Variants in FBXL5 observed in about 807,000 individuals in gnomAD.
FBXL5 encodes F-box and leucine rich repeat protein 5.
A neutral mutation model predicts 78.3 loss-of-function variants in FBXL5; 26 were observed. The ratio of observed to expected loss-of-function variants is 0.33; its 90% confidence interval spans 0.24 to 0.46. The LOEUF is 0.46. Ranked by LOEUF, FBXL5 falls within the 20% of genes least tolerant of loss-of-function variation. The pLI, the probability that FBXL5 is intolerant of heterozygous loss-of-function variation, is 1.00. For synonymous variants in FBXL5, 295 were observed against 282.5 expected (o/e 1.04, Z -0.45); for missense variants, 710 against 829.2 (o/e 0.86, Z 1.77).
upstream of FBXL5, among the ~76,000 whole-genome samples, chr4:15,660,737 G>T (rs1333102525): frequency 6.6e-6 from 1 of 152,128 alleles, no homozygotes; most frequent in Admixed American, 6.5e-5. Context: ...ACTCTCCCAG[G>T]CTGACTTGTT....
In FBXL5 at chr4:15,625,511, T is replaced by C. The variant is rs748419353; in HGVS notation, c.1591A>G (p.Ser531Gly). Residue 531 changes from serine to glycine, a missense_variant, in exon 9 of 11, where the codon AGT becomes GGT. Ser to Gly is a moderately conservative substitution (Grantham distance 56). Transcript: ENST00000341285. ...FSKDIVGLRT[S>G]VCWQQHCASP... is the part of the protein sequence containing the mutation. ...GCACAATGCTGCTGCCAACAGACAC[T>C]AGTCCTTAGTCCAACAATGTCCTTA... 6.2e-7 allele frequency: 1 copy of C among 1,614,108 alleles called. No homozygotes were observed. The highest frequency in any genetic ancestry group is 2.2e-5 in the East Asian group (1 of 44,886).
At chr4:15,619,223 A>G (rs941331018) in intron 9 of FBXL5, among the ~76,000 whole-genome samples, 2 of 152,230 alleles carry the variant, frequency 1.3e-5, no homozygotes, top group African/African-American at 4.8e-5. Flanking sequence ...ATTCTATGAA[A>G]CCAGTATTAT....
In FBXL5 at chr4:15,605,250, T is replaced by G. The variant is rs144409581; in HGVS notation, c.*473A>C. 6.5e-6 allele frequency: 1 copy of G among 152,944 alleles called. No homozygotes were observed. Among genetic ancestry groups the G allele is most frequent in the Non-Finnish European group, 1.5e-5 (1 of 68,276 alleles). The allele number at this position is 152,944 out of a possible 1,614,324, so 9.5% of individuals were successfully genotyped here. ...GTTTGAATTGGCCTTCTGAGAATCA[T>G]TGAAATAAAGGAAATATTACGGAAA... is the stretch of plus-strand genomic sequence containing the variant. On this transcript the variant is annotated 3_prime_UTR_variant, in exon 11 of 11. Transcript: ENST00000341285.
chr4:15,625,572 T>C lies in FBXL5; in HGVS notation c.1530A>G (p.Ala510=). The stretch of plus-strand genomic sequence containing the variant: ...CAGAGGTGGAACAACTAAAGTTGGA[T>C]GCTGTTTCCATTACACAAAGACTTT... ...NVESLCVMET[A]SNFSCSTSGC... is the part of the protein sequence containing the mutation. The change falls in exon 9 of 11, where the codon GCA becomes GCG. Residue 510 remains alanine, a synonymous_variant. Coordinates refer to ENST00000341285, the MANE Select transcript of FBXL5 (RefSeq NM_012161.4). The C allele has an allele frequency of 6.2e-7, 1 of 1,614,226 alleles. No individual in the cohort carries two copies. Among genetic ancestry groups the C allele is most frequent in the Non-Finnish European group, 8.5e-7 (1 of 1,180,042 alleles).
At chr4:15,614,586 T>G (rs1711580147) in intron 9 of FBXL5, among the ~76,000 whole-genome samples, 1 of 152,002 alleles carries the variant, frequency 6.6e-6, no homozygotes, top group South Asian at 2.1e-4. Flanking sequence ...GACCATTAGG[T>G]GAGGGCAGGG....
intron 8 of FBXL5, 75 bp downstream of exon 8, chr4:15,626,798 A>T: frequency 9.5e-7 from 1 of 1,051,766 alleles, no homozygotes; most frequent in Non-Finnish European, 1.4e-6. Flanking sequence ...TAATAGTATG[A>T]TTAAACTGCA....
At chr4:15,634,925 A>T (rs1394786789) in intron 5 of FBXL5, among the ~76,000 whole-genome samples, 1 of 152,184 alleles carries the variant, frequency 6.6e-6, no homozygotes, top group Non-Finnish European at 1.5e-5. Flanking sequence ...ATATTTCATT[A>T]TCCTACAACA....
intron 9 of FBXL5, among the ~76,000 whole-genome samples, chr4:15,623,281 C>T (rs935490016): frequency 1.3e-4 from 20 of 151,782 alleles, no homozygotes; most frequent in Admixed American, 1.1e-3. Context: ...TTTGACTGCC[C>T]TTGAAATCAA....
At position 15,617,439 on chromosome 4, in the gene FBXL5, T is replaced by C. The variant is rs528838252; in HGVS notation, c.1851-5025A>G. Among the ~76,000 whole-genome samples, 9 of 150,620 alleles carry C rather than the reference T, an allele frequency of 6.0e-5. No homozygotes were observed. The South Asian group carries it at 1.9e-3, about 31-fold the overall frequency. On this transcript the variant is annotated intron_variant, in intron 9 of 10. Transcript: ENST00000341285. Reference sequence around the variant, plus strand: ...GGCATGAGCCTGTAGTCCCAGCTACTCTGGAGGCTAAGACAGGAGAATCAC... The same window carrying C: ...GGCATGAGCCTGTAGTCCCAGCTACCCTGGAGGCTAAGACAGGAGAATCAC...
upstream of FBXL5, chr4:15,656,434 C>T (rs766666508): frequency 1.0e-5 from 4 of 381,716 alleles, no homozygotes; most frequent in Non-Finnish European, 2.1e-5. Flanking sequence ...TCCAGGAGGG[C>T]AAGAACCAGA....
chr4:15,606,721 T>C (rs962595835), intron 10 of FBXL5, among the ~76,000 whole-genome samples: 1 of 152,208 alleles, frequency 6.6e-6, no homozygotes. Context: ...CCAAAATACT[T>C]GCAATTGTGA....
intron 3 of FBXL5, 22 bp from the exon 4 acceptor site, chr4:15,638,716 C>T (rs1232075083): frequency 3.4e-6 from 5 of 1,459,140 alleles, no homozygotes; most frequent in African/African-American, 3.2e-5. Flanking sequence ...AAAATATTCA[C>T]GAGGAAAGAT....
chr4:15,674,130 T>C lies in FBXL5; in HGVS notation c.-284+7253A>G, dbSNP rs76452092. On this transcript the variant is annotated intron_variant, in intron 1 of 4. Transcript: ENST00000507899. ...CAAAAACTGAGTTATGCTTGGTGCC[T>C]GCAGAATAGGAAATATTGTAGCTTA... 3.9e-5 allele frequency among the ~76,000 whole-genome samples: 6 copies of C among 152,034 alleles called. No homozygotes were observed. In the East Asian group the frequency reaches 1.2e-3, roughly 29 times the overall value.
chr4:15,605,424 T>A lies in FBXL5; in HGVS notation c.*299A>T. On this transcript the variant is annotated 3_prime_UTR_variant, in exon 11 of 11. Transcript: ENST00000341285. ...TTAAAACTCAAAATTATCTATGAAA[T>A]ACTTTAAATGACATGGCATTACCAA... 3.9e-6 allele frequency: 1 copy of A among 258,938 alleles called. No individual in the cohort carries two copies. The highest frequency in any genetic ancestry group is 5.5e-5 in the South Asian group (1 of 18,248). The allele number at this position is 258,938 out of a possible 1,614,324, so 16.0% of individuals were successfully genotyped here.
Position 15,630,652 on chromosome 4 carries a change from C to T in FBXL5, c.892+14G>A, listed in dbSNP as rs764914097. The T allele has an allele frequency of 1.4e-5, 22 of 1,547,460 alleles. No homozygotes were observed. The highest frequency in any genetic ancestry group is 1.8e-5 in the Non-Finnish European group (21 of 1,155,084). On this transcript the variant is annotated intron_variant, in intron 6 of 10. Transcript: ENST00000341285. ...AAAACACTATGTAATAATTTTAATT[C>T]CAAACAAGCTTACCAGATTCATCAA... is the stretch of plus-strand genomic sequence containing the variant.
intron 5 of FBXL5, among the ~76,000 whole-genome samples, chr4:15,634,644 G>A (rs1355460209): frequency 1.3e-5 from 2 of 152,054 alleles, no homozygotes; most frequent in Non-Finnish European, 2.9e-5. Flanking sequence ...TGGGATTACA[G>A]GTGTGAGCCA....
intron 9 of FBXL5, among the ~76,000 whole-genome samples, chr4:15,621,125 G>A (rs972236164): frequency 3.9e-5 from 6 of 152,086 alleles, no homozygotes; most frequent in East Asian, 1.9e-4. Context: ...GGGTCTCCCC[G>A]ACCGAGCTGG....
chr4:15,636,977 A>AT, intron 4 of FBXL5, among the ~76,000 whole-genome samples: 1 of 152,346 alleles, frequency 6.6e-6, no homozygotes, highest in South Asian at 2.1e-4. Context: ...ACTTTGTAGC[A>AT]TTAAGCAGCA....
intron 1 of FBXL5, among the ~76,000 whole-genome samples, chr4:15,673,623 G>A (rs373322683): frequency 6.6e-6 from 1 of 152,146 alleles, no homozygotes; most frequent in Non-Finnish European, 1.5e-5. Context: ...ATCCAAGACT[G>A]TACTGTAATA....
Sources: gnomAD v4.1 joint callset for allele counts (sites outside exome capture counted in the v4.1 genomes callset) on GRCh38, gnomAD v4.1.1 for gene constraint, MANE v1.5 for transcripts, NCBI Gene and HGNC (gene_info 2026-07-23, HGNC 2026-07-21) for gene names.